The following COPZ1 variants were observed in gnomAD, a reference collection of about 807,000 sequenced individuals.
The protein encoded by COPZ1 is coatomer subunit zeta-1.
In COPZ1, 4 loss-of-function variants were observed where a neutral mutation model predicts 31.7. That is an observed-to-expected ratio of 0.13 (90% confidence interval 0.06 to 0.29). COPZ1 has a LOEUF of 0.29. COPZ1 is among the 10% of genes least tolerant of loss of function. The probability of loss-of-function intolerance (pLI) is 1.00; values close to 1 mark genes in which losing one functional copy is unlikely to be tolerated. For synonymous variants in COPZ1, 74 were observed against 79.0 expected (o/e 0.94, Z 0.33); for missense variants, 156 against 211.5 (o/e 0.74, Z 1.63).
chr12:54,336,193 C>CT (rs1845757765), intron 1 of COPZ1, among the ~76,000 whole-genome samples: 1 of 152,178 alleles, frequency 6.6e-6, no homozygotes, highest in Non-Finnish European at 1.5e-5. Flanking sequence ...TGTGAACAGA[C>CT]TTAATTCACT....
chr12:54,325,363 A>C (rs1216274051), intron 1 of COPZ1, 182 bp downstream of exon 1: 1 of 802,302 alleles, frequency 1.2e-6, no homozygotes, highest in Non-Finnish European at 1.9e-6. Flanking sequence ...TTAGAGTAGG[A>C]AGCCCTGCCG....
At chr12:54,332,787 C>A (rs544522562) in intron 1 of COPZ1, among the ~76,000 whole-genome samples, 1 of 151,044 alleles carries the variant, frequency 6.6e-6, no homozygotes, top group African/African-American at 2.4e-5. Flanking sequence ...TGGTTGCTGA[C>A]CTTTATTCCC....
At chr12:54,327,319 CAG>C (rs1276331265) in intron 1 of COPZ1, among the ~76,000 whole-genome samples, 21 of 121,134 alleles carry the variant, frequency 1.7e-4, no homozygotes, top group African/African-American at 6.7e-4. Context: ...TTTTTGGAAA[CAG>C]AGTCTCGCTG....
chr12:54,350,692 C>T lies in COPZ1; in HGVS notation c.*169C>T. ...CCCCTCAACCTCCCCTACACCCTTC[C>T]TATTCTTTTTCATTCTTCTTGCAGT... On this transcript the variant is annotated 3_prime_UTR_variant, in exon 9 of 9. Coordinates refer to ENST00000262061, the MANE Select transcript of COPZ1 (RefSeq NM_016057.3). 2 of 625,200 alleles carry T rather than the reference C, an allele frequency of 3.2e-6. No homozygotes were observed. The highest frequency in any genetic ancestry group is 5.2e-5 in the Admixed American group (2 of 38,334). The allele number at this position is 625,200 out of a possible 1,614,324, so 38.7% of individuals were successfully genotyped here.
chr12:54,330,411 C>T (rs1953729765), intron 1 of COPZ1, among the ~76,000 whole-genome samples: 1 of 152,204 alleles, frequency 6.6e-6, no homozygotes, highest in Non-Finnish European at 1.5e-5. Context: ...TTCTAACTCT[C>T]CCCATGTCTT....
intron 1 of COPZ1, among the ~76,000 whole-genome samples, chr12:54,337,753 G>T (rs1953899451): frequency 6.6e-6 from 1 of 152,244 alleles, no homozygotes; most frequent in Non-Finnish European, 1.5e-5. Context: ...TTGGAAGTTT[G>T]AAATGACCAG....
intron 1 of COPZ1, among the ~76,000 whole-genome samples, chr12:54,339,143 A>G (rs968549862): frequency 4.0e-5 from 6 of 151,786 alleles, no homozygotes; most frequent in Admixed American, 1.3e-4. Flanking sequence ...AAAGTCAAGG[A>G]ATGTAGGTCG....
intron 1 of COPZ1, among the ~76,000 whole-genome samples, chr12:54,338,400 C>A (rs1953909928): frequency 6.6e-6 from 1 of 152,112 alleles, no homozygotes; most frequent in Non-Finnish European, 1.5e-5. Context: ...TACTTGTGAC[C>A]TTTTAAGACT....
chr12:54,341,161 T>C (rs1289203750), intron 2 of COPZ1, among the ~76,000 whole-genome samples: 1 of 152,216 alleles, frequency 6.6e-6, no homozygotes, highest in African/African-American at 2.4e-5. Flanking sequence ...CAAAGCAGTA[T>C]GTAGATGCTA....
At position 54,350,700 on chromosome 12, in the gene COPZ1, T is replaced by C. The variant is rs1242629071; in HGVS notation, c.*177T>C. The C allele has an allele frequency of 1.1e-5, 7 of 614,410 alleles. No homozygotes were observed. The highest frequency in any genetic ancestry group is 1.8e-5 in the Non-Finnish European group (6 of 340,442). The allele number at this position is 614,410 out of a possible 1,614,324, so 38.1% of individuals were successfully genotyped here. On this transcript the variant is annotated 3_prime_UTR_variant, in exon 9 of 9. Coordinates refer to ENST00000262061, the MANE Select transcript of COPZ1 (RefSeq NM_016057.3). ...CCTCCCCTACACCCTTCCTATTCTTTTTCATTCTTCTTGCAGTTCTGGGAG... is the reference window on the plus strand; with the variant it reads ...CCTCCCCTACACCCTTCCTATTCTTCTTCATTCTTCTTGCAGTTCTGGGAG...
In COPZ1 at chr12:54,350,568, A is replaced by G. The variant is rs760053790; in HGVS notation, c.*45A>G. On this transcript the variant is annotated 3_prime_UTR_variant, in exon 9 of 9. Coordinates refer to ENST00000262061, the MANE Select transcript of COPZ1 (RefSeq NM_016057.3). ...TCTTCATCCTCTTCAAAAAATTTGCATGTCTGCTGTGAATTTTCATCTAGT... is the reference window on the plus strand; with the variant it reads ...TCTTCATCCTCTTCAAAAAATTTGCGTGTCTGCTGTGAATTTTCATCTAGT... 3.3e-6 allele frequency: 5 copies of G among 1,505,922 alleles called. No homozygotes were observed. The African/African-American group carries it at 5.5e-5, about 17-fold the overall frequency. 93.3% of individuals were successfully genotyped at this position (1,505,922 alleles called of 1,614,324 possible).
chr12:54,330,705 G>C (rs1016119982), intron 1 of COPZ1, among the ~76,000 whole-genome samples: 18 of 152,180 alleles, frequency 1.2e-4, no homozygotes, highest in Non-Finnish European at 2.5e-4. Context: ...CTAGATACTT[G>C]CTGCTGTTTC....
At chr12:54,342,428 T>C (rs1039774583) in intron 3 of COPZ1, 141 bp downstream of exon 3, 15 of 660,434 alleles carry the variant, frequency 2.3e-5, no homozygotes, top group Non-Finnish European at 4.0e-5. Flanking sequence ...AATAAACTCT[T>C]CAGAATGTAA....
chr12:54,333,646 C>T (rs1953799839), intron 1 of COPZ1, among the ~76,000 whole-genome samples: 1 of 152,094 alleles, frequency 6.6e-6, no homozygotes, highest in Non-Finnish European at 1.5e-5. Flanking sequence ...CAGGTCCAGC[C>T]TGGGCAACAT....
chr12:54,339,570 G>T (rs1953935246), intron 1 of COPZ1, among the ~76,000 whole-genome samples: 1 of 151,956 alleles, frequency 6.6e-6, no homozygotes, highest in African/African-American at 2.4e-5. Context: ...GGCTGGTCTT[G>T]AACTGGCCTT....
rs1343279456 is a variant in COPZ1, at chr12:54,347,783, C to T, written c.334C>T (p.Arg112Ter). Residue 112 changes from arginine (R) to a stop codon, truncating the protein, a stop_gained, in exon 6 of 9, where the codon CGA becomes TGA. Coordinates refer to ENST00000262061, the MANE Select transcript of COPZ1 (RefSeq NM_016057.3). LOFTEE classifies it high-confidence loss of function. ...GGGACTCAGGAAAAATGTAGAAAAG[C>T]GAGCACTGCTGGAGAACATGGAGGG... ...SQMLRKNVEK[R>*]ALLENMEGLF... 1.9e-6 allele frequency: 3 copies of T among 1,609,440 alleles called. No individual in the cohort carries two copies. Among genetic ancestry groups the T allele is most frequent in the Non-Finnish European group, 2.5e-6 (3 of 1,178,916 alleles).
chr12:54,345,565 G>A (rs1954047630), intron 5 of COPZ1, 50 bp downstream of exon 5: 2 of 1,420,738 alleles, frequency 1.4e-6, no homozygotes, highest in Admixed American at 1.7e-5. Flanking sequence ...GGAAAGAGCA[G>A]GGCATTGTTG....
chr12:54,333,407 T>C (rs1031159678), intron 1 of COPZ1, among the ~76,000 whole-genome samples: 4 of 152,140 alleles, frequency 2.6e-5, no homozygotes, highest in African/African-American at 9.7e-5. Context: ...ATAGATGTAA[T>C]TGGTTTATCA....
chr12:54,327,709 A>G (rs1397983282), intron 1 of COPZ1, among the ~76,000 whole-genome samples: 3 of 151,288 alleles, frequency 2.0e-5, no homozygotes, highest in Non-Finnish European at 2.9e-5. Context: ...GGCTGCAGTG[A>G]GCTATGATTG....
Sources: allele counts gnomAD v4.1 joint callset (sites outside exome capture counted in the v4.1 genomes callset), GRCh38; gene constraint gnomAD v4.1.1; transcripts MANE v1.5; gene names NCBI Gene and HGNC (gene_info 2026-07-23, HGNC 2026-07-21).